Variants in MAPK10 observed in about 807,000 individuals in gnomAD.
MAPK10 encodes mitogen-activated protein kinase 10.
In MAPK10, 25 loss-of-function variants were observed where a neutral mutation model predicts 59.3. The ratio of observed to expected loss-of-function variants is 0.42; its 90% CI spans 0.31 to 0.59. The LOEUF is 0.59. Ranked by LOEUF, MAPK10 falls within the 20% of genes least tolerant of loss-of-function variation. MAPK10 has a pLI of 0.15. For missense variants in MAPK10, 351 were observed against 568.9 expected, an observed-to-expected ratio of 0.62 and a Z score of 3.90; for synonymous variants, 190 against 200.5, an observed-to-expected ratio of 0.95 and a Z score of 0.44.
chr4:86,078,994 C>T (rs966217312), intron 9 of MAPK10, among the ~76,000 whole-genome samples: 10 of 151,546 alleles, frequency 6.6e-5, no homozygotes, highest in South Asian at 2.1e-4. Context: ...TGTCCCCCAC[C>T]CCCCCAAAAA....
chr4:86,115,538 C>T (rs774569897), intron 4 of MAPK10, among the ~76,000 whole-genome samples: 14 of 152,004 alleles, frequency 9.2e-5, no homozygotes, highest in Non-Finnish European at 1.5e-4. Flanking sequence ...CTTGGCTCAC[C>T]GCAACCTCCG....
At chr4:86,350,708 G>A (rs558274072) in intron 2 of MAPK10, among the ~76,000 whole-genome samples, 7 of 152,116 alleles carry the variant, frequency 4.6e-5, no homozygotes, top group Non-Finnish European at 1.0e-4. Context: ...AGAGTATATT[G>A]AAAATTCTTT....
rs559715363 is a variant in MAPK10 at position 86,013,643 on chromosome 4, T to A, written c.*3585A>T. 6.6e-6 allele frequency: 1 copy of A among 152,362 alleles called. No homozygotes were observed. The highest frequency in any genetic ancestry group is 1.9e-4 in the East Asian group (1 of 5,192). The allele number at this position is 152,362 out of a possible 1,614,324, so 9.4% of individuals were successfully genotyped here. On this transcript the variant is annotated 3_prime_UTR_variant, in exon 14 of 14. Transcript: ENST00000641462. ...GGACATAAAAGGTTTTACATATTTTTATCTATTTTTTACTAGTTCCATTTA... is the reference window on the plus strand; with the variant it reads ...GGACATAAAAGGTTTTACATATTTTAATCTATTTTTTACTAGTTCCATTTA...
rs558624109 is a variant in MAPK10 at position 86,145,776 on chromosome 4, CCT to C, written c.236+13520_236+13521del. Among the ~76,000 whole-genome samples, 11 of 152,164 alleles carry C rather than the reference CCT, an allele frequency of 7.2e-5. No homozygotes were observed. In the East Asian group the frequency reaches 1.9e-3, roughly 27 times the overall value. ...TCTCCTCTTTTACTCTGTCTCAGAG[CCT>C]CTCTCTCTTTCTGTTTTTCTTTCCA... On this transcript the variant is annotated intron_variant, in intron 4 of 13. Coordinates refer to ENST00000641462, the MANE Select transcript of MAPK10 (RefSeq NM_138982.4).
At chr4:86,396,033 T>C (rs1323943370) in intron 1 of MAPK10, among the ~76,000 whole-genome samples, 1 of 152,208 alleles carries the variant, frequency 6.6e-6, no homozygotes, top group African/African-American at 2.4e-5. Context: ...CAGGAGCCTT[T>C]TTTACGTGAA....
chr4:86,565,056 G>C (rs1343688849), intron 1 of MAPK10, among the ~76,000 whole-genome samples: 4 of 152,092 alleles, frequency 2.6e-5, no homozygotes, highest in African/African-American at 7.2e-5. Flanking sequence ...AGTGCAGCTG[G>C]GTGCAAATGT....
At chr4:86,261,315 G>GT (rs199931133) in intron 2 of MAPK10, among the ~76,000 whole-genome samples, 2,921 of 152,242 alleles carry the variant, frequency 0.019, 44 homozygotes, top group South Asian at 0.065. Flanking sequence ...GGTGCAAAGT[G>GT]GAATATGGGT....
At chr4:86,341,284 T>C (rs1472555016) in intron 2 of MAPK10, among the ~76,000 whole-genome samples, 1 of 152,224 alleles carries the variant, frequency 6.6e-6, no homozygotes, top group East Asian at 1.9e-4. Context: ...AACTTGGCTG[T>C]AGCTTCTGCA....
chr4:86,577,657 A>G (rs1430014989), intron 1 of MAPK10, among the ~76,000 whole-genome samples: 2 of 152,214 alleles, frequency 1.3e-5, no homozygotes, highest in African/African-American at 4.8e-5. Context: ...AAGGACAATT[A>G]TTTACTCCAG....
At position 86,255,027 on chromosome 4, in the gene MAPK10, C is replaced by T. The variant is rs151250082; in HGVS notation, c.-6-60620G>A. 8.7e-3 allele frequency among the ~76,000 whole-genome samples: 1,315 copies of T among 151,878 alleles called. 12 individuals carry two copies. The highest frequency in any genetic ancestry group is 0.014 in the Middle Eastern group (4 of 294). On this transcript the variant is annotated intron_variant, in intron 2 of 13. Transcript: ENST00000641462. The stretch of plus-strand genomic sequence containing the variant: ...TAACTAATCTGCTGAATCAGAGTAA[C>T]ATATCCTTGGGATTCTATTTTCCAA...
chr4:86,315,710 G>A (rs928084925), intron 2 of MAPK10, among the ~76,000 whole-genome samples: 2 of 152,060 alleles, frequency 1.3e-5, no homozygotes, highest in African/African-American at 4.8e-5. Flanking sequence ...TTATGTGTAT[G>A]TACAGGGTTG....
chr4:86,403,663 A>T (rs1283520438), intron 1 of MAPK10, among the ~76,000 whole-genome samples: 1 of 152,186 alleles, frequency 6.6e-6, no homozygotes, highest in East Asian at 1.9e-4. Flanking sequence ...GGGAGCAAGG[A>T]TCTTCTTCAC....
chr4:86,281,528 AAATAAAATAAAAT>A (rs1371263309), intron 2 of MAPK10, among the ~76,000 whole-genome samples: 1 of 150,480 alleles, frequency 6.6e-6, no homozygotes, highest in Non-Finnish European at 1.5e-5. Context: ...AAATAAAATA[AAATAAAATAAAAT>A]AATAAAATAA....
chr4:86,473,174 C>T (rs1404995922), intron 1 of MAPK10, among the ~76,000 whole-genome samples: 1 of 152,112 alleles, frequency 6.6e-6, no homozygotes, highest in African/African-American at 2.4e-5. Flanking sequence ...TATTTAGGAC[C>T]TGCAAAAATG....
In MAPK10 at chr4:86,017,382, A is replaced by AAATGAAGACC. The variant is rs758915291; in HGVS notation, c.1253-22_1253-13dup. ...GTTCACTGCTGCACCTGTGCTAAGA[A>AAATGAAGACC]AATGAAGACCAACATGACTCAATCT... is the stretch of plus-strand genomic sequence containing the variant. On this transcript the variant is annotated splice_polypyrimidine_tract_variant and intron_variant, in intron 13 of 13. Transcript: ENST00000641462. The surrounding 1 kb of genome is among the most constrained non-coding windows in gnomAD (Gnocchi z 4.4). 17 of 1,613,850 alleles carry AAATGAAGACC rather than the reference A, an allele frequency of 1.1e-5. No individual in the cohort carries two copies. Among genetic ancestry groups the AAATGAAGACC allele is most frequent in the Non-Finnish European group, 1.4e-5 (17 of 1,179,858 alleles).
chr4:86,475,896 C>T (rs114727852), intron 1 of MAPK10, among the ~76,000 whole-genome samples: 1,558 of 152,226 alleles, frequency 0.01, 20 homozygotes, highest in African/African-American at 0.036. Flanking sequence ...CTTCAACTCA[C>T]ACCTGACCTA....
At chr4:86,422,197 G>A (rs906275140) in intron 1 of MAPK10, among the ~76,000 whole-genome samples, 1 of 152,148 alleles carries the variant, frequency 6.6e-6, no homozygotes, top group East Asian at 1.9e-4. Flanking sequence ...TTAAGGGCAA[G>A]GCCTCACCTG....
chr4:86,513,345 A>G (rs1756423663), intron 1 of MAPK10, among the ~76,000 whole-genome samples: 1 of 152,118 alleles, frequency 6.6e-6, no homozygotes, highest in Non-Finnish European at 1.5e-5. Flanking sequence ...ACCACACCCA[A>G]GCAAGGAGAT....
At chr4:86,022,931 T>C (rs981014516) in intron 13 of MAPK10, among the ~76,000 whole-genome samples, 2 of 152,248 alleles carry the variant, frequency 1.3e-5, no homozygotes, top group Non-Finnish European at 2.9e-5. Flanking sequence ...GAAGCACACA[T>C]ATTTTTAATT....
Sources: allele counts gnomAD v4.1 joint callset (sites outside exome capture counted in the v4.1 genomes callset), GRCh38; gene constraint gnomAD v4.1.1; non-coding constraint Gnocchi (gnomAD v3.1); transcripts MANE v1.5; gene names NCBI Gene and HGNC (gene_info 2026-07-23, HGNC 2026-07-21).